YIPF4: variants seen among roughly 807,000 people sequenced by gnomAD.
The protein encoded by YIPF4 is Yip1 domain family member 4.
YIPF4 carries 18 observed loss-of-function variants against 29.4 expected under a neutral mutation model. The ratio of observed to expected loss-of-function variants is 0.61; its 90% CI spans 0.42 to 0.91. YIPF4 has a LOEUF of 0.91. Ranked by LOEUF, YIPF4 falls within the 40% of genes least tolerant of loss-of-function variation. YIPF4 has a pLI of 0.00. For synonymous variants in YIPF4, 115 were observed against 104.7 expected (o/e 1.10, Z -0.60); for missense variants, 279 against 282.7 (o/e 0.99, Z 0.09).
At chr2:32,294,323 G>A (rs529608207) in intron 3 of YIPF4, among the ~76,000 whole-genome samples, 6 of 151,442 alleles carry the variant, frequency 4.0e-5, no homozygotes, top group East Asian at 3.9e-4. Flanking sequence ...GGCGGCTGCC[G>A]GGCGGACGGG....
At position 32,290,525 on chromosome 2, in the gene YIPF4, T is replaced by G. The variant is rs762962341; in HGVS notation, c.122T>G (p.Leu41Arg). ...GCATCCCCAGATGTCAAATTAAATC[T>G]TGGTGGAGATTTTATCAAAGAATCT... ...SIASPDVKLN[L>R]GGDFIKESTA... Residue 41 changes from leucine to arginine, a missense_variant, in exon 2 of 6, where the codon CTT becomes CGT. Coordinates refer to ENST00000238831, the MANE Select transcript of YIPF4 (RefSeq NM_032312.4). 6.3e-7 allele frequency: 1 copy of G among 1,579,142 alleles called. No homozygotes were observed. The highest frequency in any genetic ancestry group is 1.4e-5 in the African/African-American group (1 of 73,120).
chr2:32,297,629 T>G (rs1185033961), intron 3 of YIPF4, among the ~76,000 whole-genome samples: 1 of 151,810 alleles, frequency 6.6e-6, no homozygotes, highest in Non-Finnish European at 1.5e-5. Flanking sequence ...CATGACCAAA[T>G]AACATAGCAA....
chr2:32,289,957 A>G (rs1573530677), intron 1 of YIPF4, among the ~76,000 whole-genome samples: 1 of 152,186 alleles, frequency 6.6e-6, no homozygotes, highest in South Asian at 2.1e-4. Context: ...CTTAGCATAG[A>G]TATGTGATGA....
chr2:32,280,222 G>C (rs908703958), intron 1 of YIPF4, among the ~76,000 whole-genome samples: 1 of 151,640 alleles, frequency 6.6e-6, no homozygotes, highest in Non-Finnish European at 1.5e-5. Flanking sequence ...CCGCTTCCCA[G>C]GTTCATGCTA....
intron 1 of YIPF4, among the ~76,000 whole-genome samples, chr2:32,280,364 T>C (rs1439394816): frequency 2.7e-5 from 4 of 149,664 alleles, no homozygotes; most frequent in Non-Finnish European, 4.4e-5. Flanking sequence ...TCTCCTGATC[T>C]TGTGATCCGC....
In YIPF4 at chr2:32,313,168, A is replaced by T. The variant is rs187507183; in HGVS notation, c.*7542A>T. The T allele has an allele frequency of 2.0e-5, 3 of 152,296 alleles. No individual in the cohort carries two copies. The highest frequency in any genetic ancestry group is 3.9e-4 in the East Asian group (2 of 5,186). 9.4% of individuals were successfully genotyped at this position (152,296 alleles called of 1,614,324 possible). On this transcript the variant is annotated 3_prime_UTR_variant, in exon 6 of 6. Transcript: ENST00000238831. ...GCCTTCCTTGAAGCAACGATGCTTA[A>T]GCTGAAATCTTAGGGAAAAATAAAA...
chr2:32,286,777 C>G (rs1417215509), intron 1 of YIPF4, among the ~76,000 whole-genome samples: 1 of 152,104 alleles, frequency 6.6e-6, no homozygotes. Context: ...ATCTCTTGAC[C>G]TCGTGATCTG....
intron 3 of YIPF4, among the ~76,000 whole-genome samples, chr2:32,294,603 G>A (rs1353755288): frequency 1.3e-5 from 2 of 150,128 alleles, no homozygotes; most frequent in African/African-American, 2.5e-5. Context: ...AGGCAGAGGG[G>A]CTCCTCACAT....
chr2:32,298,368 T>A, intron 4 of YIPF4, 57 bp downstream of exon 4: 1 of 1,280,490 alleles, frequency 7.8e-7, no homozygotes, highest in Non-Finnish European at 1.1e-6. Context: ...TAGTTTTTGA[T>A]ACTGCAGATA....
chr2:32,297,405 G>A (rs1490782701), intron 3 of YIPF4, among the ~76,000 whole-genome samples: 2 of 152,018 alleles, frequency 1.3e-5, no homozygotes, highest in African/African-American at 2.4e-5. Flanking sequence ...ACAGGCGTGA[G>A]CCACTGTGCC....
Position 32,306,360 on chromosome 2 carries a change from G to A in YIPF4, c.*734G>A. ...TCCAAACATCTGATTTAAAGTTTCT[G>A]TTTATCTTTCTGACCAAAGGAGCAA... On this transcript the variant is annotated 3_prime_UTR_variant, in exon 6 of 6. Coordinates refer to ENST00000238831, the MANE Select transcript of YIPF4 (RefSeq NM_032312.4). The A allele has an allele frequency of 1.0e-6, 1 of 985,654 alleles. No individual in the cohort carries two copies. Among genetic ancestry groups the A allele is most frequent in the South Asian group, 4.7e-5 (1 of 21,284 alleles). 61.1% of individuals were successfully genotyped at this position (985,654 alleles called of 1,614,324 possible).
At chr2:32,281,068 C>G (rs1377871654) in intron 1 of YIPF4, among the ~76,000 whole-genome samples, 2 of 151,978 alleles carry the variant, frequency 1.3e-5, no homozygotes, top group Admixed American at 1.3e-4. Context: ...TACTAAGAAA[C>G]CTGAAATAAG....
At position 32,298,790 on chromosome 2, in the gene YIPF4, C is replaced by A. The variant is rs141767275; in HGVS notation, c.483+479C>A. On this transcript the variant is annotated intron_variant, in intron 4 of 5. Coordinates refer to ENST00000238831, the MANE Select transcript of YIPF4 (RefSeq NM_032312.4). ...GCCAGGCTGGTCTTGAACTCCCAAC[C>A]TCAAGCGATCTGCCTGTTTAGCCTC... 5.8e-4 allele frequency among the ~76,000 whole-genome samples: 89 copies of A among 152,156 alleles called. 2 individuals are homozygous for A. The East Asian group carries it at 0.016, about 27-fold the overall frequency.
Position 32,298,308 on chromosome 2 carries a change from A to G in YIPF4, c.480A>G (p.Gly160=). Residue 160 remains glycine (G), a synonymous_variant, in exon 4 of 6, where the codon GGA becomes GGG. Transcript: ENST00000238831. The part of the protein sequence containing the change: ...TIFLLARVLG[G]EVAYGQVLGV... ...TCTTACTGGCCAGAGTTCTTGGTGG[A>G]GAAGTAAGTAGTTTATTTTGAAAAT... 1 of 1,600,348 alleles carries G rather than the reference A, an allele frequency of 6.2e-7. No individual in the cohort carries two copies. The highest frequency in any genetic ancestry group is 1.1e-5 in the South Asian group (1 of 90,292).
chr2:32,279,180 A>G (rs2148955715), intron 1 of YIPF4, among the ~76,000 whole-genome samples: 1 of 151,858 alleles, frequency 6.6e-6, no homozygotes, highest in East Asian at 2.0e-4. Context: ...CGTGTTAGCC[A>G]TGATGGTCTC....
chr2:32,292,296 C>T lies in YIPF4; in HGVS notation c.353C>T (p.Pro118Leu). 1 of 1,603,562 alleles carries T rather than the reference C, an allele frequency of 6.2e-7. No homozygotes were observed. Among genetic ancestry groups the T allele is most frequent in the South Asian group, 1.1e-5 (1 of 88,772 alleles). Residue 118 changes from proline to leucine, a missense_variant, in exon 3 of 6, where the codon CCT (proline) becomes CTT (leucine). By Grantham distance (98) the Pro-to-Leu change is moderately conservative (BLOSUM62 -3). Coordinates refer to ENST00000238831, the MANE Select transcript of YIPF4 (RefSeq NM_032312.4). ...VVRDNPDFWGPLAVVLFFSMI... is the reference protein window; with the variant it reads ...VVRDNPDFWGLLAVVLFFSMI... ...AGAGACAATCCTGACTTTTGGGGTC[C>T]TCTGGCTGTTGTTCTTTTCTTTTCC... is the stretch of plus-strand genomic sequence containing the variant.
Position 32,305,548 on chromosome 2 carries a change from C to T in YIPF4, c.657C>T (p.Phe219=). The change falls in exon 6 of 6, where the codon TTC becomes TTT. Residue 219 remains phenylalanine, a synonymous_variant. Coordinates refer to ENST00000238831, the MANE Select transcript of YIPF4 (RefSeq NM_032312.4). ...CTTCATTGTTAGTGGGTGAAGAATTCAAGACCAAAAAGCCTCTTCTGATTT... is the reference window on the plus strand; with the variant it reads ...CTTCATTGTTAGTGGGTGAAGAATTTAAGACCAAAAAGCCTCTTCTGATTT... ...SAASLLVGEE[F]KTKKPLLIYP... is the part of the protein sequence containing the mutation. The T allele has an allele frequency of 6.2e-7, 1 of 1,611,016 alleles. No homozygotes were observed. Among genetic ancestry groups the T allele is most frequent in the South Asian group, 1.1e-5 (1 of 90,532 alleles).
In YIPF4 at chr2:32,278,100, G is replaced by C. The variant is rs185107589; in HGVS notation, c.-56G>C. 0.012 allele frequency: 17,513 copies of C among 1,486,784 alleles called. 134 individuals carry two copies. Among genetic ancestry groups the C allele is most frequent in the Middle Eastern group, 0.02 (85 of 4,236 alleles). The allele number at this position is 1,486,784 out of a possible 1,614,324, so 92.1% of individuals were successfully genotyped here. On this transcript the variant is annotated 5_prime_UTR_variant, in exon 1 of 6. Coordinates refer to ENST00000238831, the MANE Select transcript of YIPF4 (RefSeq NM_032312.4). ...GCGGGTCGCCGCCGCGGCCGCCTCGGGGTCTGGGCCCAGCCGCAGCCTCTT... is the reference window on the plus strand; with the variant it reads ...GCGGGTCGCCGCCGCGGCCGCCTCGCGGTCTGGGCCCAGCCGCAGCCTCTT...
chr2:32,290,647 A>G lies in YIPF4; in HGVS notation c.233+11A>G. 1 of 1,421,744 alleles carries G rather than the reference A, an allele frequency of 7.0e-7. No individual in the cohort carries two copies. Among genetic ancestry groups the G allele is most frequent in the Non-Finnish European group, 9.2e-7 (1 of 1,086,144 alleles). The allele number at this position is 1,421,744 out of a possible 1,614,324, so 88.1% of individuals were successfully genotyped here. On this transcript the variant is annotated intron_variant, in intron 2 of 5. Transcript: ENST00000238831. ...TAACAAGCCACTCTTGTATGTAAAAATAATAATATATATTTTTTGTTTTTT... is the reference window on the plus strand; with the variant it reads ...TAACAAGCCACTCTTGTATGTAAAAGTAATAATATATATTTTTTGTTTTTT...
Sources: gnomAD v4.1 joint callset for allele counts (sites outside exome capture counted in the v4.1 genomes callset) on GRCh38, gnomAD v4.1.1 for gene constraint, MANE v1.5 for transcripts, NCBI Gene and HGNC (gene_info 2026-07-23, HGNC 2026-07-21) for gene names.